Variants in MAP2K1 observed in about 807,000 individuals in gnomAD.
MAP2K1 encodes mitogen-activated protein kinase kinase 1, also known as dual specificity mitogen-activated protein kinase kinase 1.
Under a neutral mutation model 46.3 loss-of-function variants are expected in MAP2K1, and 16 were observed. The observed-to-expected ratio is 0.35, with a 90% CI of 0.23 to 0.52. MAP2K1 has a LOEUF of 0.52. MAP2K1 is among the 20% of genes least tolerant of loss of function. MAP2K1 has a pLI of 0.94. For missense variants in MAP2K1, 263 were observed against 497.1 expected (o/e 0.53, Z 4.48); for synonymous variants, 183 against 185.6 (o/e 0.99, Z 0.11).
chr15:66,426,655 A>G (rs1048129099), intron 1 of MAP2K1, among the ~76,000 whole-genome samples: 18 of 152,360 alleles, frequency 1.2e-4, no homozygotes, highest in Admixed American at 1.1e-3. Flanking sequence ...TGAAACTACT[A>G]GAAAGAAGAA....
At position 66,401,827 on chromosome 15, in the gene MAP2K1, A is replaced by G. The variant is rs2093382470; in HGVS notation, c.80+14400A>G. 7.4e-6 allele frequency: 4 copies of G among 542,846 alleles called. No individual in the cohort carries two copies. In the Middle Eastern group the frequency reaches 8.5e-4, roughly 115 times the overall value. 33.6% of individuals were successfully genotyped at this position (542,846 alleles called of 1,614,324 possible). On this transcript the variant is annotated intron_variant, in intron 1 of 10. Transcript: ENST00000307102. ...CATGGGAATGGAGGGGCGTGGCAGG[A>G]AGAGAGCACGGGATGAGCAACTTCA...
chr15:66,448,163 A>C lies in MAP2K1; in HGVS notation c.568+3456A>C, dbSNP rs562949017. 3.5e-3 allele frequency among the ~76,000 whole-genome samples: 331 copies of C among 94,006 alleles called. 1 individual carries two copies. Among genetic ancestry groups the C allele is most frequent in the Non-Finnish European group, 7.2e-3 (257 of 35,758 alleles). 61.7% of individuals were successfully genotyped at this position (94,006 alleles called of 152,430 possible). A position where few individuals can be genotyped will look rare whatever the true frequency, so the allele number is the denominator to read the frequency against. On this transcript the variant is annotated intron_variant, in intron 5 of 10. Transcript: ENST00000307102. ...GCAAGACTCCATCTCAAAAAAAAAA[A>C]AAAAAAAAAACCCACTATTTCCCCC...
chr15:66,433,960 G>A (rs1399655969), intron 1 of MAP2K1, among the ~76,000 whole-genome samples: 1 of 152,222 alleles, frequency 6.6e-6, no homozygotes, highest in Admixed American at 6.5e-5. Context: ...TGAATGCACT[G>A]CAGGCAGGCT....
chr15:66,391,392 C>T (rs1321581298), intron 1 of MAP2K1, among the ~76,000 whole-genome samples: 1 of 152,192 alleles, frequency 6.6e-6, no homozygotes, highest in Non-Finnish European at 1.5e-5. Context: ...AGGTTCATGC[C>T]ATTCTCCTGC....
chr15:66,413,006 G>A (rs1415802046), intron 1 of MAP2K1, among the ~76,000 whole-genome samples: 5 of 151,756 alleles, frequency 3.3e-5, no homozygotes, highest in African/African-American at 4.8e-5. Context: ...AGCAATTCTC[G>A]TGCCTCAGCC....
chr15:66,454,613 G>A (rs143898044), intron 5 of MAP2K1, among the ~76,000 whole-genome samples: 9 of 152,226 alleles, frequency 5.9e-5, no homozygotes, highest in South Asian at 2.1e-4. Flanking sequence ...GGCTGGGAGC[G>A]GTGGCTCATA....
intron 1 of MAP2K1, among the ~76,000 whole-genome samples, chr15:66,412,613 T>G (rs1332188074): frequency 6.6e-6 from 1 of 152,252 alleles, no homozygotes; most frequent in Admixed American, 6.5e-5. Flanking sequence ...ATACTTAGAT[T>G]GCATCCTGGT....
intron 5 of MAP2K1, among the ~76,000 whole-genome samples, chr15:66,445,532 A>C (rs1891847411): frequency 6.6e-6 from 1 of 152,256 alleles, no homozygotes; most frequent in East Asian, 1.9e-4. Context: ...ATGCATCCAC[A>C]CAAATGTTTA....
chr15:66,395,756 T>G (rs2093366174), intron 1 of MAP2K1, among the ~76,000 whole-genome samples: 1 of 151,242 alleles, frequency 6.6e-6, no homozygotes, highest in East Asian at 2.0e-4. Context: ...CTTGTTATTT[T>G]TAGTAGAGAC....
intron 5 of MAP2K1, among the ~76,000 whole-genome samples, chr15:66,479,993 C>A (rs1892875525): frequency 1.3e-5 from 2 of 152,052 alleles, no homozygotes; most frequent in Admixed American, 1.3e-4. Context: ...CAACCTCTGC[C>A]TCCCAGGTTC....
At chr15:66,415,216 C>G in intron 1 of MAP2K1, 2 of 484,192 alleles carry the variant, frequency 4.1e-6, no homozygotes, top group South Asian at 3.1e-5. Flanking sequence ...GTCCTGGTGT[C>G]CACTGTCCCT....
At chr15:66,489,093 T>G (rs958202709) in intron 8 of MAP2K1, 122 bp from the exon 9 acceptor site, 1 of 789,880 alleles carries the variant, frequency 1.3e-6, no homozygotes, top group Non-Finnish European at 2.2e-6. Context: ...TAGTACTGCC[T>G]TTGGACTGCA....
At chr15:66,393,581 T>C (rs2140518526) in intron 1 of MAP2K1, among the ~76,000 whole-genome samples, 1 of 152,332 alleles carries the variant, frequency 6.6e-6, no homozygotes, top group Admixed American at 6.5e-5. Flanking sequence ...TCCTTTCTAC[T>C]TTCTGACTCT....
chr15:66,423,998 C>T (rs1348252702), intron 1 of MAP2K1, among the ~76,000 whole-genome samples: 1 of 151,970 alleles, frequency 6.6e-6, no homozygotes, highest in Non-Finnish European at 1.5e-5. Context: ...GGTGATCCAC[C>T]TGCCTTGGCC....
intron 1 of MAP2K1, among the ~76,000 whole-genome samples, chr15:66,399,870 C>T (rs1384900196): frequency 2.0e-5 from 3 of 152,170 alleles, no homozygotes; most frequent in African/African-American, 7.2e-5. Context: ...GCTGGGATTA[C>T]AGGTGTGAGC....
intron 1 of MAP2K1, among the ~76,000 whole-genome samples, chr15:66,420,964 TACACACACATACATACAC>T (rs1567003460): frequency 4.2e-5 from 1 of 23,884 alleles, no homozygotes; most frequent in African/African-American, 6.7e-5. Context: ...CATACATATA[TACACACACATACATACAC>T]ACACATACAT....
chr15:66,484,916 G>T, intron 6 of MAP2K1, 74 bp from the exon 7 acceptor site: 1 of 1,229,450 alleles, frequency 8.1e-7, no homozygotes, highest in Non-Finnish European at 1.2e-6. Flanking sequence ...AGAAGGGACA[G>T]AAGAGAAAAT....
chr15:66,436,644 T>TC (rs1567009667), intron 2 of MAP2K1, 102 bp from the exon 3 acceptor site: 6 of 1,155,136 alleles, frequency 5.2e-6, no homozygotes, highest in Non-Finnish European at 7.8e-6. Context: ...CTGTTTCTCC[T>TC]CCCTCTACCT....
intron 5 of MAP2K1, among the ~76,000 whole-genome samples, chr15:66,454,586 A>G (rs1892115121): frequency 6.6e-6 from 1 of 152,166 alleles, no homozygotes; most frequent in East Asian, 1.9e-4. Flanking sequence ...CTAAAAATTT[A>G]TTCATTAGAA....
Sources: gnomAD v4.1 joint callset for allele counts (sites outside exome capture counted in the v4.1 genomes callset) on GRCh38, gnomAD v4.1.1 for gene constraint, MANE v1.5 for transcripts, NCBI Gene and HGNC (gene_info 2026-07-23, HGNC 2026-07-21) for gene names.